The following BCR variants were observed in gnomAD, a reference collection of about 807,000 sequenced individuals.
BCR encodes BCR activator of RhoGEF and GTPase, also known as breakpoint cluster region protein.
Under a neutral mutation model 138.6 loss-of-function variants are expected in BCR, and 58 were observed. That is an observed-to-expected ratio of 0.42 (90% confidence interval 0.34 to 0.52). BCR has a LOEUF of 0.52. BCR is among the 20% of genes least tolerant of loss of function. The probability of loss-of-function intolerance (pLI) is 0.06; values close to 1 mark genes in which losing one functional copy is unlikely to be tolerated. For synonymous variants in BCR, 786 were observed against 730.1 expected, an observed-to-expected ratio of 1.08 and a Z score of -1.23; for missense variants, 1,599 against 1,727.2, an observed-to-expected ratio of 0.93 and a Z score of 1.32.
At chr22:23,198,584 G>A (rs765041702) in intron 1 of BCR, among the ~76,000 whole-genome samples, 3 of 152,274 alleles carry the variant, frequency 2.0e-5, no homozygotes, top group South Asian at 2.1e-4. Context: ...TGGCTGTGGC[G>A]GCTGTTCCCT....
intron 2 of BCR, among the ~76,000 whole-genome samples, chr22:23,258,160 A>G (rs1330177611): frequency 6.6e-6 from 1 of 152,168 alleles, no homozygotes; most frequent in East Asian, 1.9e-4. Flanking sequence ...ATGCATATAT[A>G]TACACACATA....
rs1568959803 is a variant in BCR at position 23,260,974 on chromosome 22, T to C, written c.1486T>C (p.Leu496=). 2 of 1,613,950 alleles carry C rather than the reference T, an allele frequency of 1.2e-6. No individual in the cohort carries two copies. Among genetic ancestry groups the C allele is most frequent in the Non-Finnish European group, 1.7e-6 (2 of 1,179,994 alleles). The change falls in exon 3 of 23, where the codon TTG becomes CTG. Residue 496 remains leucine, a synonymous_variant. Coordinates refer to ENST00000305877, the MANE Select transcript of BCR (RefSeq NM_004327.4). The stretch of plus-strand genomic sequence containing the variant: ...GAGTGAGCTGGACTTGGAAAAGGGC[T>C]TGGAGATGAGAAAATGGGTCCTGTC... ...KASELDLEKG[L]EMRKWVLSGI...
chr22:23,274,189 AAC>A (rs1442729732), intron 8 of BCR, among the ~76,000 whole-genome samples: 3 of 152,248 alleles, frequency 2.0e-5, no homozygotes, highest in Admixed American at 2.0e-4. Context: ...TTCATTAAAA[AAC>A]AGTTAACATC....
At chr22:23,273,900 G>A in intron 8 of BCR, 126 bp downstream of exon 8, 1 of 1,349,064 alleles carries the variant, frequency 7.4e-7, no homozygotes, top group African/African-American at 1.4e-5. Context: ...GGATTGGTGA[G>A]ATTGGCCGCA....
intron 1 of BCR, among the ~76,000 whole-genome samples, chr22:23,213,445 G>C (rs2072710694): frequency 6.6e-6 from 1 of 152,236 alleles, no homozygotes; most frequent in Non-Finnish European, 1.5e-5. Context: ...CGCTGAGCCA[G>C]GTCCCAGCCT....
At chr22:23,308,823 G>A (rs955961018) in intron 16 of BCR, among the ~76,000 whole-genome samples, 1 of 150,576 alleles carries the variant, frequency 6.6e-6, no homozygotes, top group African/African-American at 2.5e-5. Context: ...CAGGCTAGCT[G>A]TCTGGATAGT....
chr22:23,300,311 G>T (rs1352245547), intron 16 of BCR, among the ~76,000 whole-genome samples: 1 of 152,208 alleles, frequency 6.6e-6, no homozygotes, highest in Non-Finnish European at 1.5e-5. Flanking sequence ...TACAGCATTT[G>T]TCTTTTGGGT....
intron 1 of BCR, among the ~76,000 whole-genome samples, chr22:23,195,195 C>T (rs751539703): frequency 2.1e-4 from 32 of 151,038 alleles, no homozygotes; most frequent in East Asian, 6.0e-4. Context: ...CCGAGGCAGG[C>T]GGATCACCTG....
intron 21 of BCR, 61 bp downstream of exon 21, chr22:23,314,134 C>T: frequency 7.5e-7 from 1 of 1,327,006 alleles, no homozygotes; most frequent in Non-Finnish European, 1.1e-6. Flanking sequence ...GAGTGCCCCT[C>T]TGCTCCCACT....
chr22:23,265,859 A>G (rs1273845936), intron 4 of BCR, among the ~76,000 whole-genome samples: 1 of 152,216 alleles, frequency 6.6e-6, no homozygotes, highest in Non-Finnish European at 1.5e-5. Context: ...TCACAGTAGA[A>G]TTTGTCAAAT....
At chr22:23,299,239 C>T (rs2073878143) in intron 16 of BCR, among the ~76,000 whole-genome samples, 2 of 152,212 alleles carry the variant, frequency 1.3e-5, no homozygotes, top group Non-Finnish European at 2.9e-5. Context: ...CCTCCTCAGC[C>T]TCCCAAAGTG....
intron 1 of BCR, among the ~76,000 whole-genome samples, chr22:23,222,585 AG>A (rs1471726971): frequency 2.0e-5 from 3 of 152,166 alleles, no homozygotes; most frequent in Admixed American, 2.0e-4. Context: ...CAAAGGGCGA[AG>A]GGTAGAAGGA....
At chr22:23,230,038 T>C (rs1292376787) in intron 1 of BCR, among the ~76,000 whole-genome samples, 1 of 144,608 alleles carries the variant, frequency 6.9e-6, no homozygotes, top group African/African-American at 2.6e-5. Context: ...GAGAGCAAGC[T>C]TTTCTGTTTG....
At chr22:23,197,506 TG>T (rs1309015014) in intron 1 of BCR, among the ~76,000 whole-genome samples, 2 of 152,360 alleles carry the variant, frequency 1.3e-5, no homozygotes, top group East Asian at 3.8e-4. Context: ...TGCTTGAATC[TG>T]CAGATGTGGA....
rs1216418069 is a variant in BCR, at chr22:23,181,768, C to T, written c.808C>T (p.Pro270Ser). ...LIDANGGSRPPWPPLEYQPYQ... is the reference protein window; with the variant it reads ...LIDANGGSRPSWPPLEYQPYQ... ...CGACGCCAATGGCGGTAGCAGGCCCCCTTGGCCGCCCCTGGAGTACCAGCC... is the reference window on the plus strand; with the variant it reads ...CGACGCCAATGGCGGTAGCAGGCCCTCTTGGCCGCCCCTGGAGTACCAGCC... Residue 270 changes from proline (P) to serine (S), a missense_variant, in exon 1 of 23, where the codon CCT (proline) becomes TCT (serine). Coordinates refer to ENST00000305877, the MANE Select transcript of BCR (RefSeq NM_004327.4). 1.2e-6 allele frequency: 2 copies of T among 1,606,450 alleles called. No homozygotes were observed. Among genetic ancestry groups the T allele is most frequent in the Non-Finnish European group, 1.7e-6 (2 of 1,179,978 alleles).
chr22:23,216,924 C>A (rs1485741665), intron 1 of BCR: 1 of 331,024 alleles, frequency 3.0e-6, no homozygotes, highest in Non-Finnish European at 6.2e-6. Flanking sequence ...AACTTCTCAG[C>A]TGAACTTCCA....
Position 23,263,658 on chromosome 22 carries a change from A to T in BCR, c.1752+2118A>T, listed in dbSNP as rs1271002234. On this transcript the variant is annotated intron_variant, in intron 4 of 22. Transcript: ENST00000305877. ...CCTCGCATATTGTCAGTGCAGGAGGAGATGGGAAGATTGGCCTTGGTAAGA... is the reference window on the plus strand; with the variant it reads ...CCTCGCATATTGTCAGTGCAGGAGGTGATGGGAAGATTGGCCTTGGTAAGA... 3 of 1,447,814 alleles carry T rather than the reference A, an allele frequency of 2.1e-6. No homozygotes were observed. The East Asian group carries it at 6.8e-5, about 33-fold the overall frequency. 89.7% of individuals were successfully genotyped at this position (1,447,814 alleles called of 1,614,324 possible).
chr22:23,193,795 G>A (rs2267012), intron 1 of BCR, among the ~76,000 whole-genome samples: 16,970 of 152,250 alleles, frequency 0.11, 1,689 homozygotes, highest in East Asian at 0.55. Flanking sequence ...GGTCCCTGTG[G>A]AGGAGTGACA....
chr22:23,316,257 C>T lies in BCR; in HGVS notation c.*735C>T, dbSNP rs1447278739. 2.5e-5 allele frequency: 4 copies of T among 161,800 alleles called. No individual in the cohort carries two copies. The highest frequency in any genetic ancestry group is 1.1e-4 in the East Asian group (1 of 8,986). 10.0% of individuals were successfully genotyped at this position (161,800 alleles called of 1,614,324 possible). A position where few individuals can be genotyped will look rare whatever the true frequency, so the allele number is the denominator to read the frequency against. On this transcript the variant is annotated 3_prime_UTR_variant, in exon 23 of 23. Coordinates refer to ENST00000305877, the MANE Select transcript of BCR (RefSeq NM_004327.4). ...GTTCGTTCTCCAGGGAGAGCGACCTCGTCCCCCGATCCTGACCGCCCTTCC... is the reference window on the plus strand; with the variant it reads ...GTTCGTTCTCCAGGGAGAGCGACCTTGTCCCCCGATCCTGACCGCCCTTCC...
Sources: gnomAD v4.1 joint callset for allele counts (sites outside exome capture counted in the v4.1 genomes callset) on GRCh38, gnomAD v4.1.1 for gene constraint, MANE v1.5 for transcripts, NCBI Gene and HGNC (gene_info 2026-07-23, HGNC 2026-07-21) for gene names.